Variants in POLR3E observed in about 807,000 individuals in gnomAD.
POLR3E encodes the protein RNA polymerase III subunit E, also known as DNA-directed RNA polymerase III subunit RPC5.
In POLR3E, 41 loss-of-function variants were observed where a neutral mutation model predicts 96.6. The ratio of observed to expected loss-of-function variants is 0.42; its 90% CI spans 0.33 to 0.55. The LOEUF (loss-of-function observed/expected upper bound fraction) is 0.55, where lower values mean the gene tolerates loss of function less well. Among genes scored for constraint, POLR3E ranks in the 20% least tolerant of loss-of-function variants. The probability of loss-of-function intolerance (pLI) is 0.06; values close to 1 mark genes in which losing one functional copy is unlikely to be tolerated. For missense variants in POLR3E, 849 were observed against 952.1 expected (o/e 0.89, Z 1.43); for synonymous variants, 396 against 383.6 (o/e 1.03, Z -0.38).
rs1567304806 is a variant in POLR3E, at chr16:22,299,570, C to CT, written c.-39+2033_-39+2034insT. 4.0e-5 allele frequency among the ~76,000 whole-genome samples: 6 copies of CT among 151,786 alleles called. No individual in the cohort carries two copies. The East Asian group carries it at 9.7e-4, about 24-fold the overall frequency. ...CTGGGATTACAGGCGTGCATCACCACGCCTGGCTAATTTTTGTATTTTAAG... is the reference window on the plus strand; with the variant it reads ...CTGGGATTACAGGCGTGCATCACCACTGCCTGGCTAATTTTTGTATTTTAAG... On this transcript the variant is annotated intron_variant, in intron 1 of 20. Coordinates refer to ENST00000299853, the MANE Select transcript of POLR3E (RefSeq NM_018119.4).
In POLR3E at chr16:22,334,531, G is replaced by A. The variant is rs940195119; in HGVS notation, c.*831G>A. On this transcript the variant is annotated 3_prime_UTR_variant, in exon 21 of 21. Coordinates refer to ENST00000299853, the MANE Select transcript of POLR3E (RefSeq NM_018119.4). ...ATCTAGAGGGAACGGAGCTAATGGA[G>A]GAAGACAGAGCAGCACTGTCCACTA... 6.6e-6 allele frequency: 1 copy of A among 152,218 alleles called. No individual in the cohort carries two copies. Among genetic ancestry groups the A allele is most frequent in the African/African-American group, 2.4e-5 (1 of 41,458 alleles). The allele number at this position is 152,218 out of a possible 1,614,324, so 9.4% of individuals were successfully genotyped here.
chr16:22,312,545 C>T (rs2048267752), intron 6 of POLR3E, among the ~76,000 whole-genome samples: 1 of 151,764 alleles, frequency 6.6e-6, no homozygotes, highest in Non-Finnish European at 1.5e-5. Context: ...CTATATGGTA[C>T]GTGAGTCTTG....
At chr16:22,301,876 C>T (rs536333505) in intron 1 of POLR3E, among the ~76,000 whole-genome samples, 4 of 151,066 alleles carry the variant, frequency 2.6e-5, no homozygotes, top group East Asian at 1.9e-4. Flanking sequence ...GTGAGCCGAT[C>T]GTACCACCGC....
intron 1 of POLR3E, among the ~76,000 whole-genome samples, chr16:22,298,569 C>A (rs1014542679): frequency 1.3e-5 from 2 of 152,136 alleles, no homozygotes; most frequent in African/African-American, 4.8e-5. Context: ...GGATTTGAAC[C>A]TGCACAGTTT....
At chr16:22,328,363 A>C in intron 18 of POLR3E, 147 bp from the exon 19 acceptor site, 3 of 683,832 alleles carry the variant, frequency 4.4e-6, no homozygotes. Context: ...GTGGCTGCCC[A>C]AGGCCCTCAG....
At chr16:22,317,340 T>C in intron 12 of POLR3E, 134 bp downstream of exon 12, 1 of 667,642 alleles carries the variant, frequency 1.5e-6, no homozygotes, top group Non-Finnish European at 2.6e-6. Flanking sequence ...GCTTTGCAGC[T>C]GCATCCTTGT....
At position 22,322,744 on chromosome 16, in the gene POLR3E, C is replaced by G. The variant is rs2048495063; in HGVS notation, c.987-106C>G. The G allele has an allele frequency of 1.3e-6, 1 of 762,130 alleles. No homozygotes were observed. The highest frequency in any genetic ancestry group is 1.7e-5 in the African/African-American group (1 of 58,230). The allele number at this position is 762,130 out of a possible 1,614,324, so 47.2% of individuals were successfully genotyped here. On this transcript the variant is annotated intron_variant, in intron 13 of 20. Coordinates refer to ENST00000299853, the MANE Select transcript of POLR3E (RefSeq NM_018119.4). This position sits in a 1 kb window ranked among gnomAD's most constrained non-coding sequence, Gnocchi z 5.2. The stretch of plus-strand genomic sequence containing the variant: ...GAGGTCTTGGGGCTCAGGCCTGTAC[C>G]CAGCCCACGGTGGAAAGAAGCATGG...
At chr16:22,303,135 T>C in intron 2 of POLR3E, 131 bp downstream of exon 2, 1 of 849,316 alleles carries the variant, frequency 1.2e-6, no homozygotes, top group Non-Finnish European at 2.0e-6. Flanking sequence ...TCCCTCTGCC[T>C]GGTCCCCTCT....
chr16:22,313,468 C>A lies in POLR3E; in HGVS notation c.365-152C>A. 1.7e-6 allele frequency: 1 copy of A among 603,968 alleles called. No homozygotes were observed. 37.4% of individuals were successfully genotyped at this position (603,968 alleles called of 1,614,324 possible). On this transcript the variant is annotated intron_variant, in intron 6 of 20. Coordinates refer to ENST00000299853, the MANE Select transcript of POLR3E (RefSeq NM_018119.4). The surrounding 1 kb of genome is among the most constrained non-coding windows in gnomAD (Gnocchi z 4.1). ...AGGTGGAGGTGGGGATGGTCCCTGG[C>A]CTGGTGGTCCCAAGACTCTAGGATT...
At position 22,305,138 on chromosome 16, in the gene POLR3E, G is replaced by A. The variant is rs368841008; in HGVS notation, c.37-18G>A. 3.0e-5 allele frequency: 49 copies of A among 1,609,760 alleles called. No homozygotes were observed. Among genetic ancestry groups the A allele is most frequent in the Admixed American group, 1.8e-4 (11 of 59,978 alleles). ...CTGTGTCCAGTCTCCCGGTTAAGTC[G>A]TCTTCCCTTCTTCCCAGATCGATGT... On this transcript the variant is annotated intron_variant, in intron 2 of 20. Transcript: ENST00000299853.
In POLR3E at chr16:22,309,039, T is replaced by C; in HGVS notation, c.280T>C (p.Ser94Pro). ...CGCCGACGAGACCAGCACGTATTCC[T>C]CGTGAGTTTCCGGCCCCAAGCCTGT... Reference protein sequence around the residue: ...ACADETSTYSSKLMDKQTFCS... With the variant: ...ACADETSTYSPKLMDKQTFCS... Residue 94 changes from serine (S) to proline (P), a missense_variant and splice_region_variant, in exon 5 of 21, where the codon TCG becomes CCG. Physicochemically the swap from Ser to Pro is moderately conservative, Grantham distance 74 (BLOSUM62 -1). Coordinates refer to ENST00000299853, the MANE Select transcript of POLR3E (RefSeq NM_018119.4). 6.2e-7 allele frequency: 1 copy of C among 1,607,036 alleles called. No homozygotes were observed. The highest frequency in any genetic ancestry group is 8.5e-7 in the Non-Finnish European group (1 of 1,174,086).
chr16:22,328,632 T>G, intron 19 of POLR3E, 45 bp downstream of exon 19: 63 of 1,537,054 alleles, frequency 4.1e-5, no homozygotes, highest in Non-Finnish European at 5.0e-5. Flanking sequence ...CCAGGGGGGT[T>G]TCCTGCAGCG....
rs1406747422 is a variant in POLR3E, at chr16:22,308,188, C to T, written c.128C>T (p.Pro43Leu). ...RPASMTYDDI[P>L]HLSAKIKPKQ... Reference sequence around the variant, plus strand: ...GCCTCGATGACCTACGATGACATTCCGCACCTCTCAGCCAAGATCAAGCCC... The same window carrying T: ...GCCTCGATGACCTACGATGACATTCTGCACCTCTCAGCCAAGATCAAGCCC... Residue 43 changes from proline to leucine, a missense_variant, in exon 4 of 21, where the codon CCG becomes CTG. Coordinates refer to ENST00000299853, the MANE Select transcript of POLR3E (RefSeq NM_018119.4). 7.4e-6 allele frequency: 12 copies of T among 1,613,738 alleles called. No homozygotes were observed. Among genetic ancestry groups the T allele is most frequent in the East Asian group, 2.2e-5 (1 of 44,856 alleles).
intron 1 of POLR3E, among the ~76,000 whole-genome samples, chr16:22,297,852 C>G (rs1242601645): frequency 6.6e-6 from 1 of 152,230 alleles, no homozygotes; most frequent in African/African-American, 2.4e-5. Context: ...GTCCGCGCGT[C>G]GGGTGTAGTG....
chr16:22,309,329 G>A (rs1321766270), intron 5 of POLR3E, 99 bp from the exon 6 acceptor site: 4 of 946,966 alleles, frequency 4.2e-6, no homozygotes, highest in African/African-American at 3.2e-5. Context: ...CCCTGGCTGT[G>A]GCACTTCAGA....
At chr16:22,316,773 G>A in intron 10 of POLR3E, 87 bp downstream of exon 10, 1 of 1,134,110 alleles carries the variant, frequency 8.8e-7, no homozygotes, top group African/African-American at 1.5e-5. Context: ...GAGGACTGTG[G>A]CCCCTCCTGT....
intron 19 of POLR3E, chr16:22,331,793 T>C (rs1248847387): frequency 9.9e-6 from 3 of 304,074 alleles, no homozygotes; most frequent in Admixed American, 9.7e-5. Flanking sequence ...CCAGTTCTTT[T>C]GTTATGCTGG....
In POLR3E at chr16:22,318,857, C is replaced by T. The variant is rs764477421; in HGVS notation, c.897C>T (p.Ser299=). The T allele has an allele frequency of 3.1e-6, 5 of 1,613,310 alleles. No homozygotes were observed. The highest frequency in any genetic ancestry group is 3.4e-6 in the Non-Finnish European group (4 of 1,179,434). Residue 299 remains serine (S), a synonymous_variant, in exon 13 of 21, where the codon AGC becomes AGT. Coordinates refer to ENST00000299853, the MANE Select transcript of POLR3E (RefSeq NM_018119.4). The surrounding 1 kb of genome is among the most constrained non-coding windows in gnomAD (Gnocchi z 5.0). The part of the protein sequence containing the change: ...VKVMPFANLM[S]LLGPSIDSVA... ...TCATGCCTTTTGCCAACTTGATGAG[C>T]CTCCTGGGCCCCTCCATCGATTCCG...
Position 22,302,948 on chromosome 16 carries a change from C to T in POLR3E, c.-21C>T, listed in dbSNP as rs1341859712. ...CTTTGCAGATCGAGCTGAAGGACTGCGCGGCTGGCTCTCCTCTAGTATGGC... is the reference window on the plus strand; with the variant it reads ...CTTTGCAGATCGAGCTGAAGGACTGTGCGGCTGGCTCTCCTCTAGTATGGC... On this transcript the variant is annotated 5_prime_UTR_variant, in exon 2 of 21. Coordinates refer to ENST00000299853, the MANE Select transcript of POLR3E (RefSeq NM_018119.4). 12 of 1,612,682 alleles carry T rather than the reference C, an allele frequency of 7.4e-6. No homozygotes were observed. The highest frequency in any genetic ancestry group is 4.5e-5 in the East Asian group (2 of 44,866).
Sources: gnomAD v4.1 joint callset for allele counts (sites outside exome capture counted in the v4.1 genomes callset) on GRCh38, gnomAD v4.1.1 for gene constraint, Gnocchi (gnomAD v3.1) non-coding constraint, MANE v1.5 for transcripts, NCBI Gene and HGNC (gene_info 2026-07-23, HGNC 2026-07-21) for gene names.